The following ADGRB3 variants were observed in gnomAD, a reference collection of about 807,000 sequenced individuals.
ADGRB3 encodes the protein brain-specific angiogenesis inhibitor 3.
A neutral mutation model predicts 193.4 loss-of-function variants in ADGRB3; 37 were observed. That is an observed-to-expected ratio of 0.19 (90% CI 0.15 to 0.25). The LOEUF (loss-of-function observed/expected upper bound fraction) is 0.25, where lower values mean the gene tolerates loss of function less well. Ranked by LOEUF, ADGRB3 falls within the 10% of genes least tolerant of loss-of-function variation. ADGRB3 has a pLI of 1.00. For synonymous variants in ADGRB3, 690 were observed against 644.2 expected, an observed-to-expected ratio of 1.07 and a Z score of -1.08; for missense variants, 1,637 against 1,852.9, an observed-to-expected ratio of 0.88 and a Z score of 2.14.
intron 15 of ADGRB3, among the ~76,000 whole-genome samples, chr6:69,051,167 G>A (rs1279798748): frequency 2.0e-5 from 3 of 152,218 alleles, no homozygotes; most frequent in Admixed American, 6.5e-5. Flanking sequence ...TACAGCTTCT[G>A]GATAGATTAA....
chr6:69,334,465 TTCCTGAGCGGGGA>T (rs1194609791), intron 24 of ADGRB3, among the ~76,000 whole-genome samples: 1 of 152,220 alleles, frequency 6.6e-6, no homozygotes, highest in Non-Finnish European at 1.5e-5. Context: ...TGAAAGTTTC[TTCCTGAGCGGGGA>T]TCACTTCTCT....
chr6:68,991,654 A>G (rs1206879632), intron 10 of ADGRB3, among the ~76,000 whole-genome samples: 2 of 152,036 alleles, frequency 1.3e-5, no homozygotes, highest in Non-Finnish European at 2.9e-5. Flanking sequence ...AAGTGCCACT[A>G]GAGCACAGCA....
At chr6:68,900,838 A>C (rs1189037311) in intron 3 of ADGRB3, among the ~76,000 whole-genome samples, 1 of 152,122 alleles carries the variant, frequency 6.6e-6, no homozygotes, top group Non-Finnish European at 1.5e-5. Context: ...ACTGAAATAT[A>C]TACTTACTCT....
At chr6:68,695,571 T>C (rs1381362198) in intron 3 of ADGRB3, among the ~76,000 whole-genome samples, 1 of 152,040 alleles carries the variant, frequency 6.6e-6, no homozygotes, top group African/African-American at 2.4e-5. Flanking sequence ...CTTCTTGTGA[T>C]GGGGAAGGGC....
intron 13 of ADGRB3, among the ~76,000 whole-genome samples, chr6:69,021,431 A>T (rs1770266304): frequency 6.6e-6 from 1 of 151,924 alleles, no homozygotes; most frequent in African/African-American, 2.4e-5. Flanking sequence ...TTTTATTTCA[A>T]CTTTAAATAT....
At chr6:68,653,899 C>T (rs1028988709) in intron 3 of ADGRB3, among the ~76,000 whole-genome samples, 1 of 151,608 alleles carries the variant, frequency 6.6e-6, no homozygotes, top group Admixed American at 6.6e-5. Flanking sequence ...TCTCACAGCC[C>T]CTCCCTCCCT....
At chr6:69,033,887 C>G (rs995972363) in intron 13 of ADGRB3, among the ~76,000 whole-genome samples, 1 of 151,962 alleles carries the variant, frequency 6.6e-6, no homozygotes, top group Non-Finnish European at 1.5e-5. Flanking sequence ...ATTGTCTATA[C>G]TGGACAGTAC....
At chr6:68,732,966 G>A (rs1765800425) in intron 3 of ADGRB3, among the ~76,000 whole-genome samples, 1 of 151,760 alleles carries the variant, frequency 6.6e-6, no homozygotes, top group Non-Finnish European at 1.5e-5. Flanking sequence ...TATTTCTAAT[G>A]TCATCCAGCT....
chr6:68,793,283 T>A (rs1582206860), intron 3 of ADGRB3, among the ~76,000 whole-genome samples: 1 of 152,296 alleles, frequency 6.6e-6, no homozygotes, highest in East Asian at 1.9e-4. Context: ...TGCTTGTTAC[T>A]GTAACTTAAC....
At chr6:69,178,626 T>C (rs1218947291) in intron 17 of ADGRB3, among the ~76,000 whole-genome samples, 1 of 152,220 alleles carries the variant, frequency 6.6e-6, no homozygotes, top group Non-Finnish European at 1.5e-5. Context: ...CCTTAAGGAT[T>C]TCTCATAAGT....
chr6:69,361,560 A>C, intron 29 of ADGRB3, 48 bp downstream of exon 29: 1 of 1,533,614 alleles, frequency 6.5e-7, no homozygotes. Context: ...AAATATGAAT[A>C]GATATAAATA....
intron 20 of ADGRB3, among the ~76,000 whole-genome samples, chr6:69,280,002 C>T (rs965743595): frequency 1.3e-5 from 2 of 152,298 alleles, no homozygotes; most frequent in East Asian, 1.9e-4. Context: ...GGTTGTGAGG[C>T]GTCTGCGCTC....
Position 68,911,088 on chromosome 6 carries a change from A to G in ADGRB3, c.758-19471A>G, listed in dbSNP as rs952401653. Among the ~76,000 whole-genome samples, 3 of 152,260 alleles carry G rather than the reference A, an allele frequency of 2.0e-5. 1 individual carries two copies. The highest frequency in any genetic ancestry group is 6.5e-5 in the Admixed American group (1 of 15,286). On this transcript the variant is annotated intron_variant, in intron 3 of 31. Coordinates refer to ENST00000370598, the MANE Select transcript of ADGRB3 (RefSeq NM_001704.3). ...ATATACACCATGGAACTATGCAGCCATAAAAAATGATGAGTTCATGTCTTT... is the reference window on the plus strand; with the variant it reads ...ATATACACCATGGAACTATGCAGCCGTAAAAAATGATGAGTTCATGTCTTT...
chr6:69,012,052 T>G (rs1339498902), intron 11 of ADGRB3, among the ~76,000 whole-genome samples: 1 of 152,078 alleles, frequency 6.6e-6, no homozygotes, highest in Admixed American at 6.6e-5. Context: ...ATAATTTGTG[T>G]TTTTTATGTG....
intron 13 of ADGRB3, among the ~76,000 whole-genome samples, chr6:69,025,401 T>G (rs1770403243): frequency 6.6e-6 from 1 of 152,212 alleles, no homozygotes; most frequent in African/African-American, 2.4e-5. Flanking sequence ...AGGCTTTATT[T>G]TCCTTTGTGT....
At chr6:69,355,483 A>G (rs1220605711) in intron 27 of ADGRB3, among the ~76,000 whole-genome samples, 2 of 152,218 alleles carry the variant, frequency 1.3e-5, no homozygotes, top group Non-Finnish European at 2.9e-5. Context: ...TATTCATAAT[A>G]ATTCACATTC....
chr6:69,310,764 CCTGAATTT>C (rs1768172446), intron 20 of ADGRB3, among the ~76,000 whole-genome samples: 1 of 151,482 alleles, frequency 6.6e-6, no homozygotes, highest in Non-Finnish European at 1.5e-5. Context: ...GTATTTTGAC[CCTGAATTT>C]CTCAATGACA....
intron 17 of ADGRB3, among the ~76,000 whole-genome samples, chr6:69,083,242 A>G (rs1046599046): frequency 6.6e-6 from 1 of 152,144 alleles, no homozygotes; most frequent in African/African-American, 2.4e-5. Flanking sequence ...ATCTTTTATA[A>G]TCCTTATATT....
intron 3 of ADGRB3, among the ~76,000 whole-genome samples, chr6:68,735,870 GA>G (rs1765860989): frequency 6.6e-6 from 1 of 152,112 alleles, no homozygotes; most frequent in Non-Finnish European, 1.5e-5. Context: ...TGGATGAAAA[GA>G]TTTTGCAGTC....
Sources: allele counts gnomAD v4.1 joint callset (sites outside exome capture counted in the v4.1 genomes callset), GRCh38; gene constraint gnomAD v4.1.1; transcripts MANE v1.5; gene names NCBI Gene and HGNC (gene_info 2026-07-23, HGNC 2026-07-21).